CDC73: variants seen among roughly 807,000 people sequenced by gnomAD.
CDC73 encodes cell division cycle 73, also known as parafibromin.
In CDC73, 21 loss-of-function variants were observed where a neutral mutation model predicts 83.7. That is an observed-to-expected ratio of 0.25 (90% CI 0.18 to 0.36). The LOEUF (loss-of-function observed/expected upper bound fraction) is 0.36. CDC73 is among the 10% of genes least tolerant of loss of function. The pLI is 1.00. For missense variants in CDC73, 342 were observed against 653.3 expected, an observed-to-expected ratio of 0.52 and a Z score of 5.19; for synonymous variants, 224 against 212.9, an observed-to-expected ratio of 1.05 and a Z score of -0.45.
At chr1:193,191,418 C>T (rs536724762) in intron 10 of CDC73, among the ~76,000 whole-genome samples, 109 of 152,236 alleles carry the variant, frequency 7.2e-4, no homozygotes, top group Admixed American at 1.4e-3. Context: ...GAGACAGTCT[C>T]GCTCTGTTGC....
chr1:193,131,300 C>A (rs1675689262), intron 3 of CDC73, among the ~76,000 whole-genome samples: 2 of 152,170 alleles, frequency 1.3e-5, no homozygotes, highest in Non-Finnish European at 2.9e-5. Flanking sequence ...GTTGCTTAGG[C>A]CAGAACTTTG....
intron 10 of CDC73, among the ~76,000 whole-genome samples, chr1:193,177,905 A>G (rs1676638850): frequency 6.6e-6 from 1 of 152,228 alleles, no homozygotes; most frequent in Non-Finnish European, 1.5e-5. Context: ...TAAGTATTCT[A>G]AGTATTGAAA....
rs1424881795 is a variant in CDC73 at position 193,122,146 on chromosome 1, G to T, written c.-55G>T. 12 of 1,571,228 alleles carry T rather than the reference G, an allele frequency of 7.6e-6. No homozygotes were observed. Among genetic ancestry groups the T allele is most frequent in the Non-Finnish European group, 1.1e-5 (12 of 1,142,244 alleles). ...GGCGAGGCGACAAGAGAAGAAGGAG[G>T]CAGGCGCGGCGGCAGCGGCGGCGCC... On this transcript the variant is annotated 5_prime_UTR_variant, in exon 1 of 17. Coordinates refer to ENST00000367435, the MANE Select transcript of CDC73 (RefSeq NM_024529.5).
intron 10 of CDC73, among the ~76,000 whole-genome samples, chr1:193,182,082 A>G (rs1676726733): frequency 6.6e-6 from 1 of 152,132 alleles, no homozygotes; most frequent in South Asian, 2.1e-4. Context: ...TTGACATACT[A>G]TTGGTGGTAT....
rs146745245 is a variant in CDC73 at position 193,225,198 on chromosome 1, G to A, written c.1155-7795G>A. On this transcript the variant is annotated intron_variant, in intron 13 of 16. Coordinates refer to ENST00000367435, the MANE Select transcript of CDC73 (RefSeq NM_024529.5). The stretch of plus-strand genomic sequence containing the variant: ...AGTCTCCAGTTCCATCCAGATTGCA[G>A]CAAATGGCATTAATGCCTTCCCTTT... 7.3e-4 allele frequency among the ~76,000 whole-genome samples: 110 copies of A among 151,174 alleles called. 1 individual carries two copies. Among genetic ancestry groups the A allele is most frequent in the African/African-American group, 5.6e-4 (23 of 41,232 alleles).
In CDC73 at chr1:193,152,366, CT is replaced by C. The variant is rs563805986; in HGVS notation, c.908-6del. On this transcript the variant is annotated splice_polypyrimidine_tract_variant and intron_variant, in intron 9 of 16. Transcript: ENST00000367435. Reference sequence around the variant, plus strand: ...TCTATAAAATCTTAACAATAAGCCTCTTTTTTTTCGTAGAAACGGAAGGCTT... The same window carrying C: ...TCTATAAAATCTTAACAATAAGCCTCTTTTTTTCGTAGAAACGGAAGGCTT... 2.5e-5 allele frequency: 40 copies of C among 1,580,874 alleles called. No individual in the cohort carries two copies. Among genetic ancestry groups the C allele is most frequent in the Non-Finnish European group, 2.7e-5 (31 of 1,150,594 alleles).
chr1:193,203,277 A>G (rs1677122732), intron 10 of CDC73, among the ~76,000 whole-genome samples: 1 of 152,132 alleles, frequency 6.6e-6, no homozygotes, highest in Admixed American at 6.5e-5. Context: ...TTCAAATGTA[A>G]CATCTCTTCT....
intron 3 of CDC73, among the ~76,000 whole-genome samples, chr1:193,130,493 T>G (rs557075761): frequency 6.6e-6 from 1 of 152,346 alleles, no homozygotes; most frequent in East Asian, 1.9e-4. Context: ...TCGTAAATTG[T>G]TGTTTCTCTG....
intron 8 of CDC73, among the ~76,000 whole-genome samples, chr1:193,149,103 G>A (rs890704398): frequency 6.6e-6 from 1 of 152,162 alleles, no homozygotes; most frequent in Non-Finnish European, 1.5e-5. Flanking sequence ...TCTCCATCAA[G>A]TACTTAAGTG....
At chr1:193,153,290 G>T (rs931535782) in intron 10 of CDC73, among the ~76,000 whole-genome samples, 7 of 151,944 alleles carry the variant, frequency 4.6e-5, no homozygotes, top group Non-Finnish European at 8.8e-5. Flanking sequence ...TTAATGATCG[G>T]ACTTGGTGAT....
intron 6 of CDC73, 67 bp from the exon 7 acceptor site, chr1:193,141,783 C>T: frequency 4.8e-6 from 5 of 1,044,698 alleles, no homozygotes; most frequent in Non-Finnish European, 7.2e-6. Context: ...ATAAATGTAA[C>T]AAAATATATT....
intron 13 of CDC73, among the ~76,000 whole-genome samples, chr1:193,213,535 C>CT (rs1677312222): frequency 6.6e-6 from 1 of 152,166 alleles, no homozygotes; most frequent in Admixed American, 6.5e-5. Flanking sequence ...AATACATACT[C>CT]TTTCAGAGGA....
At chr1:193,234,987 A>G (rs551126289) in intron 14 of CDC73, among the ~76,000 whole-genome samples, 185 of 152,144 alleles carry the variant, frequency 1.2e-3, no homozygotes, top group African/African-American at 4.3e-3. Context: ...GCAGTTTTTA[A>G]TAGTTGTAGG....
intron 10 of CDC73, chr1:193,181,424 C>T (rs1282033647): frequency 1.9e-6 from 3 of 1,614,018 alleles, no homozygotes; most frequent in South Asian, 1.1e-5. Flanking sequence ...GGCAGCCAGT[C>T]ATGATGATTG....
intron 10 of CDC73, among the ~76,000 whole-genome samples, chr1:193,166,643 CT>C (rs977574827): frequency 1.4e-4 from 21 of 150,528 alleles, no homozygotes; most frequent in South Asian, 8.5e-4. Context: ...AATTTTCACA[CT>C]TTTTTTCTTT....
chr1:193,192,780 T>C (rs1676940590), intron 10 of CDC73, among the ~76,000 whole-genome samples: 1 of 152,248 alleles, frequency 6.6e-6, no homozygotes. Flanking sequence ...AGCACAGATT[T>C]AATGACAAAG....
At chr1:193,162,477 A>G (rs1217369721) in intron 10 of CDC73, among the ~76,000 whole-genome samples, 1 of 150,354 alleles carries the variant, frequency 6.7e-6, no homozygotes, top group Non-Finnish European at 1.5e-5. Context: ...GGTTCAAGCA[A>G]TCCTCCTGCC....
At chr1:193,189,242 C>T (rs1428600588) in intron 10 of CDC73, among the ~76,000 whole-genome samples, 1 of 152,158 alleles carries the variant, frequency 6.6e-6, no homozygotes, top group Non-Finnish European at 1.5e-5. Context: ...ACGTGAGCCA[C>T]AGTGCCCAGC....
At chr1:193,221,164 G>A (rs1334977504) in intron 13 of CDC73, among the ~76,000 whole-genome samples, 1 of 152,158 alleles carries the variant, frequency 6.6e-6, no homozygotes, top group East Asian at 1.9e-4. Context: ...AAAAAGAAAA[G>A]GATGAGGGAG....
Sources: allele counts gnomAD v4.1 joint callset (sites outside exome capture counted in the v4.1 genomes callset), GRCh38; gene constraint gnomAD v4.1.1; transcripts MANE v1.5; gene names NCBI Gene and HGNC (gene_info 2026-07-23, HGNC 2026-07-21).